The following BMPR1B variants were observed in gnomAD, a reference collection of about 807,000 sequenced individuals.
BMPR1B encodes the protein bone morphogenetic protein receptor type 1B, also known as bone morphogenetic protein receptor type-1B.
A neutral mutation model predicts 59.1 loss-of-function variants in BMPR1B; 12 were observed. That is an observed-to-expected ratio of 0.20 (90% CI 0.13 to 0.33). BMPR1B has a LOEUF of 0.33. BMPR1B is among the 10% of genes least tolerant of loss of function. BMPR1B has a pLI of 1.00. For synonymous variants in BMPR1B, 237 were observed against 207.3 expected, an observed-to-expected ratio of 1.14 and a Z score of -1.23; for missense variants, 550 against 610.9, an observed-to-expected ratio of 0.90 and a Z score of 1.05.
intron 3 of BMPR1B, among the ~76,000 whole-genome samples, chr4:95,094,771 T>C (rs1221663816): frequency 6.6e-6 from 1 of 152,114 alleles, no homozygotes; most frequent in East Asian, 1.9e-4. Flanking sequence ...ATACCTGATA[T>C]TGCTTTGTCA....
intron 1 of BMPR1B, among the ~76,000 whole-genome samples, chr4:94,776,329 A>T (rs933920172): frequency 6.6e-6 from 1 of 152,238 alleles, no homozygotes; most frequent in Admixed American, 6.5e-5. Context: ...GTTTTCTGTG[A>T]AAAGCAGATT....
chr4:94,907,918 C>T (rs1478083660), intron 2 of BMPR1B, among the ~76,000 whole-genome samples: 5 of 151,244 alleles, frequency 3.3e-5, no homozygotes, highest in African/African-American at 2.4e-5. Context: ...GGTGTGGTGG[C>T]ATGCACCTGT....
intron 1 of BMPR1B, among the ~76,000 whole-genome samples, chr4:94,854,022 A>T (rs1289686005): frequency 6.6e-6 from 1 of 152,132 alleles, no homozygotes; most frequent in Non-Finnish European, 1.5e-5. Flanking sequence ...TTGCAAATTA[A>T]ACTTATTTCC....
chr4:94,993,760 CAAAAAAAAAA>C (rs34395946), intron 2 of BMPR1B, among the ~76,000 whole-genome samples: 1 of 68,592 alleles, frequency 1.5e-5, no homozygotes, highest in Non-Finnish European at 2.8e-5. Flanking sequence ...GACTCCATCT[CAAAAAAAAAA>C]AAAAAAAAAA....
chr4:94,898,100 C>A (rs1242301237), intron 2 of BMPR1B, among the ~76,000 whole-genome samples: 2 of 151,548 alleles, frequency 1.3e-5, no homozygotes, highest in Non-Finnish European at 2.9e-5. Flanking sequence ...GTGCATGCTA[C>A]CATACTTGGA....
intron 1 of BMPR1B, among the ~76,000 whole-genome samples, chr4:94,773,249 T>C (rs1722251174): frequency 6.6e-6 from 1 of 152,108 alleles, no homozygotes; most frequent in Non-Finnish European, 1.5e-5. Context: ...TGGGAAAATC[T>C]TATCTTGGTT....
chr4:95,091,080 G>A lies in BMPR1B; in HGVS notation c.-17-13328G>A, dbSNP rs553777064. ...ACTTAAGACATTGCATATTGAAATA[G>A]CATTCTGAATGTCAAAGGATATTAT... On this transcript the variant is annotated intron_variant, in intron 3 of 12. Coordinates refer to ENST00000515059, the MANE Select transcript of BMPR1B (RefSeq NM_001203.3). Among the ~76,000 whole-genome samples the A allele has an allele frequency of 2.9e-3, 442 of 152,060 alleles. 6 individuals carry two copies. The highest frequency in any genetic ancestry group is 6.8e-3 in the Middle Eastern group (2 of 294).
chr4:95,116,342 A>G (rs1732032360), intron 6 of BMPR1B, among the ~76,000 whole-genome samples: 1 of 150,438 alleles, frequency 6.6e-6, no homozygotes. Flanking sequence ...ATTGCCTCCC[A>G]AGATATTGCC....
intron 2 of BMPR1B, among the ~76,000 whole-genome samples, chr4:94,989,386 TAAAA>T (rs532770101): frequency 3.6e-5 from 5 of 137,944 alleles, no homozygotes; most frequent in Non-Finnish European, 4.7e-5. Context: ...AGACTCCGTC[TAAAA>T]AAAAAAAAAA....
chr4:94,790,492 A>G (rs1217168086), intron 1 of BMPR1B, among the ~76,000 whole-genome samples: 1 of 152,102 alleles, frequency 6.6e-6, no homozygotes, highest in Non-Finnish European at 1.5e-5. Context: ...AGTGCTGAGG[A>G]TCCATTCTTG....
At chr4:95,096,774 G>T (rs369000855) in intron 3 of BMPR1B, among the ~76,000 whole-genome samples, 1 of 83,932 alleles carries the variant, frequency 1.2e-5, no homozygotes, top group African/African-American at 4.4e-5. Flanking sequence ...ACTATGTATA[G>T]TTATATATAA....
At chr4:95,071,646 G>GTATATATATATATATATA (rs1179814583) in intron 3 of BMPR1B, among the ~76,000 whole-genome samples, 15 of 86,574 alleles carry the variant, frequency 1.7e-4, no homozygotes, top group African/African-American at 6.2e-4. Context: ...GTGTGTGTGT[G>GTATATATATATATATATA]TGTGTGTATA....
At chr4:94,850,275 TG>T in intron 1 of BMPR1B, among the ~76,000 whole-genome samples, 1 of 86,204 alleles carries the variant, frequency 1.2e-5, no homozygotes, top group Non-Finnish European at 2.3e-5. Flanking sequence ...AATTTTTAAA[TG>T]AAAAAAAAAA....
intron 3 of BMPR1B, among the ~76,000 whole-genome samples, chr4:95,026,106 C>CTTTCTTTCTTTT (rs1724355418): frequency 1.5e-5 from 2 of 133,272 alleles, no homozygotes; most frequent in Admixed American, 7.7e-5. Flanking sequence ...TCATTTCTTT[C>CTTTCTTTCTTTT]TTTCTTTCTT....
chr4:95,039,512 T>A (rs1026963154), intron 3 of BMPR1B, among the ~76,000 whole-genome samples: 1 of 151,962 alleles, frequency 6.6e-6, no homozygotes, highest in African/African-American at 2.4e-5. Flanking sequence ...GAATCTGTTA[T>A]GTTAGAAAGG....
intron 3 of BMPR1B, among the ~76,000 whole-genome samples, chr4:95,058,988 T>G (rs751318109): frequency 1.3e-5 from 2 of 152,204 alleles, no homozygotes; most frequent in African/African-American, 2.4e-5. Flanking sequence ...AAAACAAGTC[T>G]TTTTCTGTTC....
chr4:94,802,147 G>T (rs1723432844), intron 1 of BMPR1B, among the ~76,000 whole-genome samples: 1 of 152,232 alleles, frequency 6.6e-6, no homozygotes, highest in South Asian at 2.1e-4. Context: ...CCGTTGTGGT[G>T]AAAGACAAGT....
chr4:94,879,795 G>A (rs1041724784), intron 2 of BMPR1B, among the ~76,000 whole-genome samples: 11 of 151,864 alleles, frequency 7.2e-5, no homozygotes, highest in Admixed American at 7.2e-4. Context: ...TTAAATTGGT[G>A]TGCATATGGG....
In BMPR1B at chr4:94,838,161, C is replaced by G. The variant is rs1172901583; in HGVS notation, c.-182-37670C>G. Reference sequence around the variant, plus strand: ...TGATGTGCTGCTGGATTCGTTTTGCCAGTATTTTATTGAGGATTTTTGCAT... The same window carrying G: ...TGATGTGCTGCTGGATTCGTTTTGCGAGTATTTTATTGAGGATTTTTGCAT... On this transcript the variant is annotated intron_variant, in intron 1 of 12. Transcript: ENST00000515059. 8.9e-5 allele frequency among the ~76,000 whole-genome samples: 12 copies of G among 134,934 alleles called. 2 individuals are homozygous for G. Among genetic ancestry groups the G allele is most frequent in the Non-Finnish European group, 1.4e-4 (9 of 62,240 alleles). The allele number at this position is 134,934 out of a possible 152,430, so 88.5% of individuals were successfully genotyped here. A position where few individuals can be genotyped will look rare whatever the true frequency, so the allele number is the denominator to read the frequency against.
Sources: allele counts gnomAD v4.1 joint callset (sites outside exome capture counted in the v4.1 genomes callset), GRCh38; gene constraint gnomAD v4.1.1; transcripts MANE v1.5; gene names NCBI Gene and HGNC (gene_info 2026-07-23, HGNC 2026-07-21).